The following TTC28 variants were observed in gnomAD, a reference collection of about 807,000 sequenced individuals.
TTC28 encodes the protein tetratricopeptide repeat protein 28.
TTC28 carries 61 observed loss-of-function variants against 198.0 expected under a neutral mutation model. The ratio of observed to expected loss-of-function variants is 0.31; its 90% CI spans 0.25 to 0.38. The LOEUF (loss-of-function observed/expected upper bound fraction) is 0.38, where lower values mean the gene tolerates loss of function less well. Among genes scored for constraint, TTC28 ranks in the 10% least tolerant of loss-of-function variants. The pLI is 1.00. For synonymous variants in TTC28, 1,171 were observed against 1,297.8 expected (o/e 0.90, Z 2.10); for missense variants, 2,678 against 3,164.0 (o/e 0.85, Z 3.69).
intron 2 of TTC28, among the ~76,000 whole-genome samples, chr22:28,474,952 C>T (rs2048141568): frequency 6.6e-6 from 1 of 151,550 alleles, no homozygotes; most frequent in East Asian, 1.9e-4. Context: ...TCATTAATAT[C>T]CTCAAGGATA....
intron 6 of TTC28, among the ~76,000 whole-genome samples, chr22:28,116,774 C>G (rs1306376070): frequency 7.9e-5 from 12 of 152,212 alleles, no homozygotes; most frequent in Non-Finnish European, 2.9e-5. Flanking sequence ...AGTACCATCT[C>G]CTTGGAGCAC....
chr22:28,266,156 G>C (rs1184094792), intron 5 of TTC28, among the ~76,000 whole-genome samples: 2 of 151,194 alleles, frequency 1.3e-5, no homozygotes, highest in Non-Finnish European at 2.9e-5. Context: ...CTCCAGCTTG[G>C]GCAACAGAGC....
intron 2 of TTC28, among the ~76,000 whole-genome samples, chr22:28,467,158 C>T (rs2048033567): frequency 6.6e-6 from 1 of 152,196 alleles, no homozygotes; most frequent in African/African-American, 2.4e-5. Flanking sequence ...TGGTGGCTCA[C>T]ATCTGTAATC....
intron 6 of TTC28, among the ~76,000 whole-genome samples, chr22:28,126,665 G>A (rs1463384159): frequency 6.6e-6 from 1 of 152,192 alleles, no homozygotes; most frequent in Non-Finnish European, 1.5e-5. Context: ...TGTGTTTTCT[G>A]AAACTTTCTC....
At chr22:28,167,240 A>C (rs149055659) in intron 5 of TTC28, among the ~76,000 whole-genome samples, 1 of 152,218 alleles carries the variant, frequency 6.6e-6, no homozygotes, top group East Asian at 1.9e-4. Context: ...ATTCTACCAG[A>C]GGTATAAGGA....
At chr22:28,246,896 C>A (rs1006896347) in intron 5 of TTC28, among the ~76,000 whole-genome samples, 2 of 151,850 alleles carry the variant, frequency 1.3e-5, no homozygotes, top group African/African-American at 4.8e-5. Context: ...ATGAAAATGG[C>A]TTTTTAAAGG....
At chr22:28,146,511 T>C (rs1943473372) in intron 6 of TTC28, among the ~76,000 whole-genome samples, 1 of 152,222 alleles carries the variant, frequency 6.6e-6, no homozygotes, top group Non-Finnish European at 1.5e-5. Flanking sequence ...GAATGCCATC[T>C]GTTTTGTCAA....
chr22:28,566,111 G>A (rs1356547685), intron 2 of TTC28, among the ~76,000 whole-genome samples: 1 of 152,140 alleles, frequency 6.6e-6, no homozygotes, highest in African/African-American at 2.4e-5. Context: ...CCCTGCTTTT[G>A]TATGGCCTCC....
At chr22:28,323,565 T>C (rs1025660824) in intron 2 of TTC28, among the ~76,000 whole-genome samples, 9 of 151,996 alleles carry the variant, frequency 5.9e-5, no homozygotes, top group East Asian at 1.9e-4. Flanking sequence ...TGTTAGAACA[T>C]AGAGAGACAA....
At chr22:28,070,420 T>A (rs1019242335) in intron 12 of TTC28, among the ~76,000 whole-genome samples, 1 of 152,128 alleles carries the variant, frequency 6.6e-6, no homozygotes. Context: ...ACAAATAGAT[T>A]TTTTTTGAAA....
chr22:28,156,629 G>A (rs1943754525), intron 6 of TTC28, among the ~76,000 whole-genome samples: 1 of 152,130 alleles, frequency 6.6e-6, no homozygotes. Context: ...CCACGTGTGG[G>A]CTCACTAACT....
intron 5 of TTC28, among the ~76,000 whole-genome samples, chr22:28,269,664 T>A (rs1233544359): frequency 6.6e-6 from 1 of 152,126 alleles, no homozygotes; most frequent in Non-Finnish European, 1.5e-5. Context: ...GAAAAAAAGT[T>A]TGGAAAATTA....
At chr22:28,232,716 T>TTA (rs1163321064) in intron 5 of TTC28, 1 of 152,136 alleles carries the variant, frequency 6.6e-6, no homozygotes, top group African/African-American at 2.4e-5. Flanking sequence ...AATAAAATAA[T>TTA]TAGTGTCTCT....
chr22:28,370,594 T>A (rs961730794), intron 2 of TTC28, among the ~76,000 whole-genome samples: 1 of 152,176 alleles, frequency 6.6e-6, no homozygotes, highest in Non-Finnish European at 1.5e-5. Context: ...TCTGCATATA[T>A]GACTACATTT....
chr22:28,163,538 T>C lies in TTC28; in HGVS notation c.995A>G (p.Asn332Ser), dbSNP rs765250777. ...HVYTAIGDYP[N>S]ALASHKQCVL... ...ACACTGTTTGTGACTGGCCAGTGCA[T>C]TGGGGTAGTCTCCAATGGCTGTGTA... Residue 332 changes from asparagine to serine, a missense_variant, in exon 6 of 23, where the codon AAT (asparagine) becomes AGT (serine). Coordinates refer to ENST00000397906, the MANE Select transcript of TTC28 (RefSeq NM_001145418.2). The C allele has an allele frequency of 1.0e-4, 159 of 1,551,476 alleles. 1 individual carries two copies. Among genetic ancestry groups the C allele is most frequent in the African/African-American group, 4.1e-5 (3 of 73,024 alleles).
At chr22:28,417,104 A>G (rs2047177640) in intron 2 of TTC28, among the ~76,000 whole-genome samples, 3 of 151,856 alleles carry the variant, frequency 2.0e-5, no homozygotes, top group Admixed American at 1.3e-4. Context: ...TAATAAAATC[A>G]CTGTTGAGGC....
At position 28,099,054 on chromosome 22, in the gene TTC28, G is replaced by T; in HGVS notation, c.3418-10C>A. 6.4e-7 allele frequency: 1 copy of T among 1,551,858 alleles called. No homozygotes were observed. Among genetic ancestry groups the T allele is most frequent in the Non-Finnish European group, 8.7e-7 (1 of 1,146,994 alleles). On this transcript the variant is annotated splice_polypyrimidine_tract_variant and intron_variant, in intron 9 of 22. Coordinates refer to ENST00000397906, the MANE Select transcript of TTC28 (RefSeq NM_001145418.2). ...CTGATGCCCTATAAAGCTGCAAGGA[G>T]GGAGGAAGAACATCATCCATTCCCC...
At chr22:28,337,904 G>C (rs1198506152) in intron 2 of TTC28, among the ~76,000 whole-genome samples, 1 of 152,120 alleles carries the variant, frequency 6.6e-6, no homozygotes. Flanking sequence ...TGGTTATTTT[G>C]CTCGTTGGTT....
chr22:27,985,047 C>T (rs1937163605), intron 22 of TTC28, among the ~76,000 whole-genome samples: 2 of 152,244 alleles, frequency 1.3e-5, no homozygotes, highest in Admixed American at 1.3e-4. Flanking sequence ...CACGTGCCAG[C>T]ACCTCATACA....
Sources: gnomAD v4.1 joint callset for allele counts (sites outside exome capture counted in the v4.1 genomes callset) on GRCh38, gnomAD v4.1.1 for gene constraint, MANE v1.5 for transcripts, NCBI Gene and HGNC (gene_info 2026-07-23, HGNC 2026-07-21) for gene names.